The following PPIF variants were observed in gnomAD, a reference collection of about 807,000 sequenced individuals.
PPIF encodes the protein peptidylprolyl isomerase F, also known as peptidyl-prolyl cis-trans isomerase F, mitochondrial.
A neutral mutation model predicts 20.2 loss-of-function variants in PPIF; 23 were observed. That is an observed-to-expected ratio of 1.14 (90% CI 0.82 to 1.61). The LOEUF is 1.61. PPIF is among the 40% of genes most tolerant of loss of function. The pLI, the probability that PPIF is intolerant of heterozygous loss-of-function variation, is 0.00. For synonymous variants in PPIF, 113 were observed against 123.1 expected (o/e 0.92, Z 0.54); for missense variants, 287 against 291.6 (o/e 0.98, Z 0.11).
In PPIF at chr10:79,347,537, C is replaced by T. The variant is rs1053820487; in HGVS notation, c.-12C>T. 1.1e-4 allele frequency: 138 copies of T among 1,299,170 alleles called. 1 individual carries two copies. In the African/African-American group the frequency reaches 1.8e-3, roughly 17 times the overall value. The allele number at this position is 1,299,170 out of a possible 1,614,324, so 80.5% of individuals were successfully genotyped here. ...TTCTCCCCGCCCGTGTCCCGCCCGA[C>T]CCGCGCCCGCGATGCTGGCGCTGCG... is the stretch of plus-strand genomic sequence containing the variant. On this transcript the variant is annotated 5_prime_UTR_variant, in exon 1 of 6. Transcript: ENST00000225174.
chr10:79,354,212 G>A lies in PPIF; in HGVS notation c.*370G>A. 3.6e-6 allele frequency: 1 copy of A among 274,744 alleles called. No homozygotes were observed. The allele number at this position is 274,744 out of a possible 1,614,324, so 17.0% of individuals were successfully genotyped here. On this transcript the variant is annotated 3_prime_UTR_variant, in exon 6 of 6. Coordinates refer to ENST00000225174, the MANE Select transcript of PPIF (RefSeq NM_005729.4). ...AAGGGGGACAGTCAGTTTTGCAAAAGGACTCTAATACCTGTTTAATATTGT... is the reference window on the plus strand; with the variant it reads ...AAGGGGGACAGTCAGTTTTGCAAAAAGACTCTAATACCTGTTTAATATTGT...
At chr10:79,353,668 C>T (rs771889995) in intron 5 of PPIF, 39 bp from the exon 6 acceptor site, 70 of 1,613,978 alleles carry the variant, frequency 4.3e-5, no homozygotes, top group South Asian at 6.6e-5. Context: ...GATGACATTG[C>T]GCTACACTGT....
chr10:79,352,260 C>T lies in PPIF; in HGVS notation c.413-57C>T, dbSNP rs927618154. 4.6e-6 allele frequency: 7 copies of T among 1,509,892 alleles called. No individual in the cohort carries two copies. In the Middle Eastern group the frequency reaches 8.6e-4, roughly 185 times the overall value. The allele number at this position is 1,509,892 out of a possible 1,614,324, so 93.5% of individuals were successfully genotyped here. On this transcript the variant is annotated intron_variant, in intron 4 of 5. Transcript: ENST00000225174. ...TTTGCACCGTCTGCCCTTTCAAATG[C>T]CCTCCCAGGCAGGTGCCTCCAGGGG... is the stretch of plus-strand genomic sequence containing the variant.
chr10:79,349,228 G>A, intron 2 of PPIF, 122 bp downstream of exon 2: 5 of 1,596,566 alleles, frequency 3.1e-6, no homozygotes, highest in Non-Finnish European at 4.3e-6. Flanking sequence ...GGAGCTCCAT[G>A]TGTGGCTCAG....
intron 4 of PPIF, 29 bp downstream of exon 4, chr10:79,351,612 G>A (rs1855984582): frequency 6.3e-7 from 1 of 1,599,098 alleles, no homozygotes; most frequent in South Asian, 1.1e-5. Flanking sequence ...TAGGGTGAGT[G>A]TCCCCACAGC....
rs192387497 is a variant in PPIF at position 79,355,055 on chromosome 10, T to A, written c.*1213T>A. On this transcript the variant is annotated 3_prime_UTR_variant, in exon 6 of 6. Coordinates refer to ENST00000225174, the MANE Select transcript of PPIF (RefSeq NM_005729.4). ...AATCCCCAGTGCTGGAGGTGGGGCC[T>A]GCTACGAGGTGTTTGGATCATGGGG... The A allele has an allele frequency of 2.0e-3, 299 of 152,480 alleles. 1 individual carries two copies. Among genetic ancestry groups the A allele is most frequent in the Non-Finnish European group, 3.3e-3 (224 of 68,034 alleles). 9.4% of individuals were successfully genotyped at this position (152,480 alleles called of 1,614,324 possible). A position where few individuals can be genotyped will look rare whatever the true frequency, so the allele number is the denominator to read the frequency against.
In PPIF at chr10:79,352,172, A is replaced by G. The variant is rs1031327867; in HGVS notation, c.413-145A>G. On this transcript the variant is annotated intron_variant, in intron 4 of 5. Coordinates refer to ENST00000225174, the MANE Select transcript of PPIF (RefSeq NM_005729.4). Reference sequence around the variant, plus strand: ...GGCAGGCATACCCTGGGGGGCTGGTATCGGGCCCTGGTTCTCCTCTTCTGG... The same window carrying G: ...GGCAGGCATACCCTGGGGGGCTGGTGTCGGGCCCTGGTTCTCCTCTTCTGG... 5.8e-6 allele frequency: 4 copies of G among 687,674 alleles called. No homozygotes were observed. In the African/African-American group the frequency reaches 7.2e-5, roughly 12 times the overall value. The allele number at this position is 687,674 out of a possible 1,614,324, so 42.6% of individuals were successfully genotyped here.
At chr10:79,349,591 A>AT in intron 2 of PPIF, 74 bp from the exon 3 acceptor site, 2 of 1,593,970 alleles carry the variant, frequency 1.3e-6, no homozygotes, top group Non-Finnish European at 1.7e-6. Context: ...TGTAGCAGGG[A>AT]TTTTGGCTGG....
intron 1 of PPIF, 31 bp from the exon 2 acceptor site, chr10:79,349,045 A>G (rs1237746568): frequency 6.2e-7 from 1 of 1,613,660 alleles, no homozygotes; most frequent in African/African-American, 1.3e-5. Flanking sequence ...TCCAATGACC[A>G]TCCTCTTTTG....
At position 79,349,727 on chromosome 10, in the gene PPIF, A is replaced by G; in HGVS notation, c.289A>G (p.Arg97Gly). ...CGGCTACAAAGGCTCCACCTTCCAC[A>G]GGGTGATCCCTTCCTTCATGTGCCA... Reference protein sequence around the residue: ...GFGYKGSTFHRVIPSFMCQAG... With the variant: ...GFGYKGSTFHGVIPSFMCQAG... The change falls in exon 3 of 6, where the codon AGG becomes GGG. Residue 97 changes from arginine (R) to glycine (G), a missense_variant. Coordinates refer to ENST00000225174, the MANE Select transcript of PPIF (RefSeq NM_005729.4). 2 of 1,614,054 alleles carry G rather than the reference A, an allele frequency of 1.2e-6. No individual in the cohort carries two copies. The highest frequency in any genetic ancestry group is 8.5e-7 in the Non-Finnish European group (1 of 1,180,008).
At position 79,347,763 on chromosome 10, in the gene PPIF, CGGCCTGGGCGCGGGACACG is replaced by C; in HGVS notation, c.195+25_195+43del. On this transcript the variant is annotated intron_variant, in intron 1 of 5. Transcript: ENST00000225174. ...CTGGAGGTGAGACCGCTCGCAGGGC[CGGCCTGGGCGCGGGACACG>C]GGCCCGGGGAGAGCCCTGGGCCCCG... 7.7e-7 allele frequency: 1 copy of C among 1,298,576 alleles called. No homozygotes were observed. Among genetic ancestry groups the C allele is most frequent in the Non-Finnish European group, 9.8e-7 (1 of 1,016,298 alleles). The allele number at this position is 1,298,576 out of a possible 1,614,324, so 80.4% of individuals were successfully genotyped here.
intron 5 of PPIF, 107 bp from the exon 6 acceptor site, chr10:79,353,600 A>T: frequency 6.3e-7 from 1 of 1,581,800 alleles, no homozygotes; most frequent in South Asian, 1.1e-5. Flanking sequence ...TTCCATGGGG[A>T]TTCTTTTCAG....
chr10:79,349,246 G>C (rs1310707988), intron 2 of PPIF, 140 bp downstream of exon 2: 53 of 1,575,450 alleles, frequency 3.4e-5, no homozygotes, highest in Non-Finnish European at 4.5e-5. Flanking sequence ...CAGCCATTGG[G>C]TGCTCTGGGG....
intron 3 of PPIF, 90 bp downstream of exon 3, chr10:79,349,843 G>A: frequency 6.3e-7 from 1 of 1,580,446 alleles, no homozygotes; most frequent in Non-Finnish European, 8.6e-7. Context: ...AAGGTGCTGA[G>A]CAGAGCAGCT....
At chr10:79,349,619 A>G (rs1855951975) in intron 2 of PPIF, 46 bp from the exon 3 acceptor site, 3 of 1,610,496 alleles carry the variant, frequency 1.9e-6, no homozygotes, top group Non-Finnish European at 2.5e-6. Flanking sequence ...ATGACCCTGG[A>G]ATTGGGGCCT....
chr10:79,347,503 A>T lies in PPIF; in HGVS notation c.-46A>T. 7.9e-7 allele frequency: 1 copy of T among 1,264,398 alleles called. No individual in the cohort carries two copies. The highest frequency in any genetic ancestry group is 9.9e-7 in the Non-Finnish European group (1 of 1,007,002). The allele number at this position is 1,264,398 out of a possible 1,614,324, so 78.3% of individuals were successfully genotyped here. A position where few individuals can be genotyped will look rare whatever the true frequency, so the allele number is the denominator to read the frequency against. The stretch of plus-strand genomic sequence containing the variant: ...TCTGGGCGCGCGCGACGTCAGTTTG[A>T]GTTCTGTGTTCTCCCCGCCCGTGTC... On this transcript the variant is annotated 5_prime_UTR_variant, in exon 1 of 6. Coordinates refer to ENST00000225174, the MANE Select transcript of PPIF (RefSeq NM_005729.4).
intron 3 of PPIF, chr10:79,350,125 G>C (rs1337305374): frequency 1.3e-5 from 3 of 230,550 alleles, no homozygotes; most frequent in Non-Finnish European, 2.6e-5. Context: ...AGATAAGAGA[G>C]GGAGAGAGAG....
In PPIF at chr10:79,353,802, C is replaced by G. The variant is rs747434200; in HGVS notation, c.584C>G (p.Ser195Cys). The change falls in exon 6 of 6, where the codon TCC becomes TGC. Residue 195 changes from serine (S) to cysteine (C), a missense_variant. Physicochemically the swap from Ser to Cys is moderately radical, Grantham distance 112 (BLOSUM62 -1). Coordinates refer to ENST00000225174, the MANE Select transcript of PPIF (RefSeq NM_005729.4). ...ESFGSKSGRT[S>C]KKIVITDCGQ... The stretch of plus-strand genomic sequence containing the variant: ...TTCGGCTCTAAGAGTGGGAGGACAT[C>G]CAAGAAGATTGTCATCACAGACTGT... 6.2e-7 allele frequency: 1 copy of G among 1,614,224 alleles called. No individual in the cohort carries two copies. The highest frequency in any genetic ancestry group is 2.2e-5 in the East Asian group (1 of 44,886).
chr10:79,354,084 C>T lies in PPIF; in HGVS notation c.*242C>T, dbSNP rs948977346. 27 of 533,918 alleles carry T rather than the reference C, an allele frequency of 5.1e-5. No homozygotes were observed. The highest frequency in any genetic ancestry group is 7.8e-5 in the Non-Finnish European group (23 of 296,230). The allele number at this position is 533,918 out of a possible 1,614,324, so 33.1% of individuals were successfully genotyped here. ...CTTTGTGGACATGATGTCACCCACC[C>T]CTTGTCAAGCATTGCCTGTGATTGC... On this transcript the variant is annotated 3_prime_UTR_variant, in exon 6 of 6. Transcript: ENST00000225174.
Sources: allele counts gnomAD v4.1 joint callset, GRCh38; gene constraint gnomAD v4.1.1; transcripts MANE v1.5; gene names NCBI Gene and HGNC (gene_info 2026-07-23, HGNC 2026-07-21).